Variants in NLRP1 observed in about 807,000 individuals in gnomAD.
The protein encoded by NLRP1 is NLR family pyrin domain containing 1.
NLRP1 carries 94 observed loss-of-function variants against 136.7 expected under a neutral mutation model. That is an observed-to-expected ratio of 0.69 (90% CI 0.58 to 0.82). The LOEUF is 0.82. Ranked by LOEUF, NLRP1 falls within the 40% of genes least tolerant of loss-of-function variation. NLRP1 has a pLI of 0.00. For synonymous variants in NLRP1, 690 were observed against 725.1 expected (o/e 0.95, Z 0.78); for missense variants, 1,575 against 1,802.7 (o/e 0.87, Z 2.29).
At chr17:5,538,529 A>T (rs1349638542) in intron 7 of NLRP1, among the ~76,000 whole-genome samples, 1 of 152,072 alleles carries the variant, frequency 6.6e-6, no homozygotes, top group African/African-American at 2.4e-5. Flanking sequence ...TCCTCCCTCA[A>T]TATTACATTC....
chr17:5,566,274 G>A (rs964347003), intron 3 of NLRP1, among the ~76,000 whole-genome samples: 3 of 151,544 alleles, frequency 2.0e-5, no homozygotes, highest in African/African-American at 7.3e-5. Context: ...TTTATTTGAA[G>A]TTTTTCCTCT....
chr17:5,523,752 C>G (rs897067416), intron 12 of NLRP1, among the ~76,000 whole-genome samples: 3 of 152,172 alleles, frequency 2.0e-5, no homozygotes, highest in African/African-American at 7.2e-5. Flanking sequence ...ATCCAGCAAG[C>G]TGGACAAAGC....
intron 8 of NLRP1, among the ~76,000 whole-genome samples, chr17:5,536,097 G>A (rs1190988919): frequency 6.6e-6 from 1 of 152,088 alleles, no homozygotes; most frequent in Non-Finnish European, 1.5e-5. Context: ...GTATCATGCT[G>A]TGCTGGGTCC....
chr17:5,555,623 C>A (rs1266253723), intron 4 of NLRP1, among the ~76,000 whole-genome samples: 1 of 152,148 alleles, frequency 6.6e-6, no homozygotes. Flanking sequence ...CACCTGTCCA[C>A]TGCTACTTGC....
intron 3 of NLRP1, among the ~76,000 whole-genome samples, chr17:5,571,703 C>T (rs1904372043): frequency 6.6e-6 from 1 of 152,116 alleles, no homozygotes; most frequent in Admixed American, 6.5e-5. Flanking sequence ...CAATGCTATT[C>T]CTAGCAAGCA....
At position 5,541,322 on chromosome 17, in the gene NLRP1, A is replaced by G. The variant is rs1911840239; in HGVS notation, c.2699+535T>C. Among the ~76,000 whole-genome samples the G allele has an allele frequency of 2.0e-5, 3 of 152,156 alleles. No homozygotes were observed. Reference sequence around the variant, plus strand: ...CGACCTCCCAAAGTGCTGGGATGACAGGCATGAGCCAGGGCGCCTCACTTG... The same window carrying G: ...CGACCTCCCAAAGTGCTGGGATGACGGGCATGAGCCAGGGCGCCTCACTTG... On this transcript the variant is annotated intron_variant, in intron 6 of 16. Transcript: ENST00000572272. The surrounding 1 kb of genome is among the most constrained non-coding windows in gnomAD (Gnocchi z 4.2).
intron 12 of NLRP1, among the ~76,000 whole-genome samples, chr17:5,528,840 A>G (rs191380728): frequency 8.9e-4 from 136 of 152,374 alleles, no homozygotes; most frequent in Middle Eastern, 3.4e-3. Context: ...AAATAAAGAA[A>G]TTAAGACAAG....
rs1033972927 is a variant in NLRP1 at position 5,537,521 on chromosome 17, T to C, written c.2871-581A>G. 4.6e-5 allele frequency among the ~76,000 whole-genome samples: 7 copies of C among 152,134 alleles called. No homozygotes were observed. Among genetic ancestry groups the C allele is most frequent in the African/African-American group, 9.7e-5 (4 of 41,432 alleles). On this transcript the variant is annotated intron_variant, in intron 7 of 16. Coordinates refer to ENST00000572272, the MANE Select transcript of NLRP1 (RefSeq NM_033004.4). This position sits in a 1 kb window ranked among gnomAD's most constrained non-coding sequence, Gnocchi z 4.5. ...TGCCAGATGTGAGATGCTGATTGTC[T>C]TCTCTGGGTCTCTGTGTCCTCCATC...
Position 5,514,524 on chromosome 17 carries a change from C to A in NLRP1, c.*230G>T. The A allele has an allele frequency of 1.4e-6, 2 of 1,397,946 alleles. No homozygotes were observed. Among genetic ancestry groups the A allele is most frequent in the Non-Finnish European group, 1.9e-6 (2 of 1,077,178 alleles). 86.6% of individuals were successfully genotyped at this position (1,397,946 alleles called of 1,614,324 possible). On this transcript the variant is annotated 3_prime_UTR_variant, in exon 17 of 17. Transcript: ENST00000572272. ...CTCTATGAGGTCTGCAGGGGTCTTG[C>A]CAGCTCCAGATGGACATTCCCTGAG...
Position 5,543,901 on chromosome 17 carries a change from A to G in NLRP1, c.2529-1874T>C, listed in dbSNP as rs56041144. ...AGAAGAGTGTCAGTTTCATTGGTGTACAACCAGGGTGGTTGCACAGGGCCC... is the reference window on the plus strand; with the variant it reads ...AGAAGAGTGTCAGTTTCATTGGTGTGCAACCAGGGTGGTTGCACAGGGCCC... On this transcript the variant is annotated intron_variant, in intron 5 of 16. Coordinates refer to ENST00000572272, the MANE Select transcript of NLRP1 (RefSeq NM_033004.4). Among the ~76,000 whole-genome samples, 1,066 of 152,236 alleles carry G rather than the reference A, an allele frequency of 7.0e-3. 6 individuals are homozygous for G. Among genetic ancestry groups the G allele is most frequent in the Non-Finnish European group, 0.012 (846 of 68,012 alleles).
At chr17:5,509,183 G>A (rs935477378), downstream of NLRP1, among the ~76,000 whole-genome samples, 2 of 152,204 alleles carry the variant, frequency 1.3e-5, no homozygotes, top group African/African-American at 4.8e-5. Flanking sequence ...CAACAGTCAT[G>A]CTCCTGTCTA....
chr17:5,539,118 G>T (rs12150289), intron 7 of NLRP1, among the ~76,000 whole-genome samples: 2 of 152,034 alleles, frequency 1.3e-5, no homozygotes, highest in Non-Finnish European at 2.9e-5. Flanking sequence ...TGATCCACCC[G>T]CCTCGGCCTC....
intron 2 of NLRP1, 63 bp from the exon 3 acceptor site, chr17:5,582,125 A>G (rs1905730847): frequency 7.5e-7 from 1 of 1,336,418 alleles, no homozygotes; most frequent in African/African-American, 1.4e-5. Context: ...AGGTGCATAT[A>G]TTTTAAACTC....
Position 5,542,934 on chromosome 17 carries a change from A to G in NLRP1, c.2529-907T>C, listed in dbSNP as rs188304598. Among the ~76,000 whole-genome samples, 7 of 152,022 alleles carry G rather than the reference A, an allele frequency of 4.6e-5. No individual in the cohort carries two copies. In the East Asian group the frequency reaches 1.4e-3, roughly 29 times the overall value. On this transcript the variant is annotated intron_variant, in intron 5 of 16. Coordinates refer to ENST00000572272, the MANE Select transcript of NLRP1 (RefSeq NM_033004.4). ...AACCTCCGCGCCCTGGGTTCAAGTG[A>G]TTCTCCTGCCTCAGCCTCCTGAGTA...
chr17:5,520,349 A>G (rs1477980178), intron 14 of NLRP1, among the ~76,000 whole-genome samples: 11 of 152,048 alleles, frequency 7.2e-5, no homozygotes, highest in Admixed American at 4.6e-4. Context: ...TCCCACCTCT[A>G]TGCCTCTGCA....
intron 15 of NLRP1, among the ~76,000 whole-genome samples, chr17:5,517,351 C>CT (rs902776262): frequency 8.1e-5 from 5 of 61,366 alleles, no homozygotes; most frequent in East Asian, 8.3e-4. Flanking sequence ...GCACTCTGCA[C>CT]CCCCCCCCCT....
At chr17:5,519,970 C>A (rs979129430) in intron 14 of NLRP1, among the ~76,000 whole-genome samples, 5 of 149,740 alleles carry the variant, frequency 3.3e-5, no homozygotes, top group Non-Finnish European at 5.9e-5. Flanking sequence ...GATTCTCCTG[C>A]CTCAGCCCCC....
intron 9 of NLRP1, among the ~76,000 whole-genome samples, 192 bp from the exon 10 acceptor site, chr17:5,533,576 T>TTTTTTTTTTTTTTC (rs1910619019): frequency 7.5e-6 from 1 of 133,446 alleles, no homozygotes; most frequent in Non-Finnish European, 1.7e-5. Flanking sequence ...TTTTTTTTTT[T>TTTTTTTTTTTTTTC]AGATGGCAGG....
rs759218321 is a variant in NLRP1 at position 5,558,387 on chromosome 17, A to G, written c.2309T>C (p.Ile770Thr). The part of the protein sequence containing the change: ...FSRHVKKLQL[I>T]EGRQHRSTWS... ...TGTTGATCTGTGCTGCCTGCCCTCA[A>G]TCAGCTGAAGCTTCTTCACGTGGCG... is the stretch of plus-strand genomic sequence containing the variant. Residue 770 changes from isoleucine to threonine, a missense_variant, in exon 4 of 17, where the codon ATT becomes ACT. Transcript: ENST00000572272. The G allele has an allele frequency of 1.5e-5, 25 of 1,613,806 alleles. No homozygotes were observed. Among genetic ancestry groups the G allele is most frequent in the Non-Finnish European group, 1.8e-5 (21 of 1,179,940 alleles).
Sources: gnomAD v4.1 joint callset for allele counts (sites outside exome capture counted in the v4.1 genomes callset) on GRCh38, gnomAD v4.1.1 for gene constraint, Gnocchi (gnomAD v3.1) non-coding constraint, MANE v1.5 for transcripts, NCBI Gene and HGNC (gene_info 2026-07-23, HGNC 2026-07-21) for gene names.